The following USP10 variants were observed in gnomAD, a reference collection of about 807,000 sequenced individuals.
USP10 encodes the protein ubiquitin carboxyl-terminal hydrolase 10.
Under a neutral mutation model 84.5 loss-of-function variants are expected in USP10, and 22 were observed. The ratio of observed to expected loss-of-function variants is 0.26; its 90% confidence interval spans 0.19 to 0.37. USP10 has a LOEUF of 0.37. Among genes scored for constraint, USP10 ranks in the 10% least tolerant of loss-of-function variants. The pLI is 1.00. For synonymous variants in USP10, 454 were observed against 387.6 expected (o/e 1.17, Z -2.01); for missense variants, 1,019 against 998.9 (o/e 1.02, Z -0.27).
chr16:84,756,833 T>G (rs564550229), intron 4 of USP10, among the ~76,000 whole-genome samples: 1 of 152,338 alleles, frequency 6.6e-6, no homozygotes, highest in Non-Finnish European at 1.5e-5. Context: ...TAGACTGTTG[T>G]GATGATATGG....
At chr16:84,742,111 T>C (rs1910696020) in intron 3 of USP10, among the ~76,000 whole-genome samples, 1 of 152,160 alleles carries the variant, frequency 6.6e-6, no homozygotes, top group African/African-American at 2.4e-5. Flanking sequence ...ACATAATAGG[T>C]GTATATATGT....
chr16:84,733,043 T>C (rs1326278641), intron 1 of USP10: 4 of 453,232 alleles, frequency 8.8e-6, no homozygotes, highest in Non-Finnish European at 1.3e-5. Context: ...CGTTTTCTGC[T>C]TTTCTTTAGT....
chr16:84,702,627 T>C (rs1404172942), intron 1 of USP10, among the ~76,000 whole-genome samples: 1 of 152,206 alleles, frequency 6.6e-6, no homozygotes, highest in African/African-American at 2.4e-5. Flanking sequence ...ATTGAAGGTC[T>C]TATTTTAAAA....
intron 1 of USP10, among the ~76,000 whole-genome samples, chr16:84,701,927 T>C (rs1265282002): frequency 2.9e-4 from 40 of 139,140 alleles, no homozygotes; most frequent in Admixed American, 6.3e-4. Context: ...TTTCTCATAA[T>C]TTTCTTCTTC....
At chr16:84,708,567 C>T (rs1350760640) in intron 1 of USP10, among the ~76,000 whole-genome samples, 1 of 152,202 alleles carries the variant, frequency 6.6e-6, no homozygotes, top group Non-Finnish European at 1.5e-5. Context: ...GTCACCTGCC[C>T]TAGGGAATAA....
At chr16:84,726,028 T>G (rs1250545277) in intron 1 of USP10, among the ~76,000 whole-genome samples, 2 of 152,238 alleles carry the variant, frequency 1.3e-5, no homozygotes, top group Non-Finnish European at 2.9e-5. Context: ...TTGGTCATAG[T>G]TGTCCACCTG....
At chr16:84,707,740 C>G (rs910303896) in intron 1 of USP10, among the ~76,000 whole-genome samples, 2 of 152,110 alleles carry the variant, frequency 1.3e-5, no homozygotes, top group African/African-American at 4.8e-5. Context: ...AGTGCTGCCA[C>G]AACTTATAAC....
chr16:84,765,829 T>C (rs1913796887), intron 10 of USP10, among the ~76,000 whole-genome samples: 1 of 152,196 alleles, frequency 6.6e-6, no homozygotes, highest in African/African-American at 2.4e-5. Context: ...CCAGTTCCCT[T>C]AAGCAGCTTT....
intron 10 of USP10, among the ~76,000 whole-genome samples, chr16:84,767,338 GA>G (rs954863753): frequency 3.8e-4 from 56 of 147,578 alleles, no homozygotes; most frequent in African/African-American, 1.3e-3. Context: ...TTAGAAAAAG[GA>G]AAAAAAAAAT....
chr16:84,714,573 T>C (rs895308423), intron 1 of USP10, among the ~76,000 whole-genome samples: 2 of 152,162 alleles, frequency 1.3e-5, no homozygotes, highest in Non-Finnish European at 2.9e-5. Context: ...CTTAACTTAA[T>C]CTTCAGCATT....
chr16:84,766,106 C>G (rs996601277), intron 10 of USP10, among the ~76,000 whole-genome samples: 1 of 152,160 alleles, frequency 6.6e-6, no homozygotes, highest in Non-Finnish European at 1.5e-5. Context: ...TTTGAGGCAT[C>G]AAGACTTGAT....
chr16:84,715,397 T>C (rs1315775085), intron 1 of USP10, among the ~76,000 whole-genome samples: 2 of 152,194 alleles, frequency 1.3e-5, no homozygotes, highest in African/African-American at 4.8e-5. Flanking sequence ...AATTAAGTGC[T>C]GAATTATGTG....
intron 1 of USP10, among the ~76,000 whole-genome samples, chr16:84,701,923 A>G (rs1490128263): frequency 7.3e-6 from 1 of 136,622 alleles, no homozygotes; most frequent in East Asian, 2.3e-4. Flanking sequence ...TTGATTTCTC[A>G]TAATTTTCTT....
At chr16:84,722,238 A>G (rs1446119440) in intron 1 of USP10, among the ~76,000 whole-genome samples, 2 of 152,170 alleles carry the variant, frequency 1.3e-5, no homozygotes, top group South Asian at 2.1e-4. Context: ...ACCTGACCCA[A>G]CTATTTAGAT....
At chr16:84,721,198 C>A (rs1907762860) in intron 1 of USP10, among the ~76,000 whole-genome samples, 1 of 152,086 alleles carries the variant, frequency 6.6e-6, no homozygotes. Context: ...GGCAATGATG[C>A]AGAATTTTTA....
intron 4 of USP10, among the ~76,000 whole-genome samples, chr16:84,754,864 G>C (rs1597372178): frequency 1.3e-5 from 2 of 152,266 alleles, no homozygotes; most frequent in African/African-American, 4.8e-5. Context: ...AAGGAGGCCA[G>C]GCACAGTGGC....
At chr16:84,766,591 C>T (rs1913889752) in intron 10 of USP10, among the ~76,000 whole-genome samples, 1 of 152,204 alleles carries the variant, frequency 6.6e-6, no homozygotes, top group Non-Finnish European at 1.5e-5. Context: ...GGTTTTTGTG[C>T]AGAGGCCGGG....
rs758154068 is a variant in USP10, at chr16:84,772,705, G to A, written c.2143+20G>A. The A allele has an allele frequency of 9.3e-6, 15 of 1,612,600 alleles. No homozygotes were observed. The highest frequency in any genetic ancestry group is 2.7e-5 in the African/African-American group (2 of 74,838). ...GTAAAGGTAATGCATACATAAGGTC[G>A]GGAGTGTTCGTGGTGACACACTCCT... On this transcript the variant is annotated intron_variant, in intron 12 of 13. Transcript: ENST00000219473.
At chr16:84,728,496 C>T (rs541090167) in intron 1 of USP10, among the ~76,000 whole-genome samples, 10 of 152,102 alleles carry the variant, frequency 6.6e-5, no homozygotes, top group South Asian at 2.1e-4. Context: ...TGTGCCACCA[C>T]GCCCGGCTAA....
Sources: gnomAD v4.1 joint callset for allele counts (sites outside exome capture counted in the v4.1 genomes callset) on GRCh38, gnomAD v4.1.1 for gene constraint, MANE v1.5 for transcripts, NCBI Gene and HGNC (gene_info 2026-07-23, HGNC 2026-07-21) for gene names.